The following ARHGEF28 variants were observed in gnomAD, a reference collection of about 807,000 sequenced individuals.
ARHGEF28 encodes the protein Rho guanine nucleotide exchange factor 28.
In ARHGEF28, 152 loss-of-function variants were observed where a neutral mutation model predicts 206.6. The ratio of observed to expected loss-of-function variants is 0.74; its 90% CI spans 0.64 to 0.84. ARHGEF28 has a LOEUF of 0.84. ARHGEF28 is among the 40% of genes least tolerant of loss of function. The probability of loss-of-function intolerance (pLI) is 0.00; values close to 1 mark genes in which losing one functional copy is unlikely to be tolerated. For missense variants in ARHGEF28, 2,028 were observed against 2,073.2 expected, an observed-to-expected ratio of 0.98 and a Z score of 0.42; for synonymous variants, 763 against 776.4, an observed-to-expected ratio of 0.98 and a Z score of 0.29.
At chr5:73,772,328 G>A (rs367899137) in intron 4 of ARHGEF28, among the ~76,000 whole-genome samples, 2 of 152,120 alleles carry the variant, frequency 1.3e-5, no homozygotes, top group Non-Finnish European at 2.9e-5. Context: ...TGTCTTGAAG[G>A]GGGAGCTGTG....
intron 2 of ARHGEF28, among the ~76,000 whole-genome samples, chr5:73,711,932 G>GT (rs138981363): frequency 0.024 from 3,545 of 147,140 alleles, 132 homozygotes; most frequent in African/African-American, 0.084. Context: ...CTAGGTTTGG[G>GT]TTTTTTTTTC....
intron 35 of ARHGEF28, among the ~76,000 whole-genome samples, chr5:73,937,809 G>A (rs555220946): frequency 1.3e-5 from 2 of 152,078 alleles, no homozygotes; most frequent in Non-Finnish European, 2.9e-5. Context: ...ATTCTCTAGG[G>A]TAAAAAGTGT....
intron 14 of ARHGEF28, among the ~76,000 whole-genome samples, chr5:73,855,376 T>A (rs576174231): frequency 9.5e-4 from 144 of 152,248 alleles, no homozygotes; most frequent in African/African-American, 2.8e-3. Context: ...AATAATATTT[T>A]TAAAAAAGCA....
intron 11 of ARHGEF28, among the ~76,000 whole-genome samples, chr5:73,842,391 A>C (rs988380097): frequency 6.6e-6 from 1 of 152,242 alleles, no homozygotes; most frequent in Non-Finnish European, 1.5e-5. Flanking sequence ...GTAGGTGTCC[A>C]TCACTGAGAT....
chr5:73,651,370 G>GA (rs752696749), intron 1 of ARHGEF28, among the ~76,000 whole-genome samples: 3 of 152,232 alleles, frequency 2.0e-5, no homozygotes, highest in Non-Finnish European at 4.4e-5. Context: ...AGCAACTCCA[G>GA]ATTTTCCAGA....
chr5:73,702,018 G>A lies in ARHGEF28; in HGVS notation c.33+17134G>A, dbSNP rs866632186. The stretch of plus-strand genomic sequence containing the variant: ...AAATGTGGATGTTCTTGGGATAAAC[G>A]TCCAGGAGTATGATTGCTGGGTCGT... On this transcript the variant is annotated intron_variant, in intron 2 of 35. Transcript: ENST00000513042. Among the ~76,000 whole-genome samples the A allele has an allele frequency of 5.3e-5, 8 of 152,154 alleles. No individual in the cohort carries two copies. In the South Asian group the frequency reaches 1.0e-3, roughly 20 times the overall value.
chr5:73,857,173 A>C (rs1342266648), intron 14 of ARHGEF28, among the ~76,000 whole-genome samples: 1 of 152,114 alleles, frequency 6.6e-6, no homozygotes, highest in Non-Finnish European at 1.5e-5. Flanking sequence ...TCAACAGAGG[A>C]AACACGTGTC....
At chr5:73,703,789 G>A (rs1414948695) in intron 2 of ARHGEF28, among the ~76,000 whole-genome samples, 1 of 152,000 alleles carries the variant, frequency 6.6e-6, no homozygotes, top group African/African-American at 2.4e-5. Context: ...TGTAATCCCA[G>A]CACTTTGGGA....
At chr5:73,664,194 C>A (rs1179391599) in intron 1 of ARHGEF28, among the ~76,000 whole-genome samples, 1 of 152,230 alleles carries the variant, frequency 6.6e-6, no homozygotes, top group Non-Finnish European at 1.5e-5. Flanking sequence ...CAGCTGTGGC[C>A]AAGGGGCCAA....
chr5:73,729,381 A>G (rs1750470313), intron 2 of ARHGEF28, among the ~76,000 whole-genome samples: 1 of 152,162 alleles, frequency 6.6e-6, no homozygotes, highest in South Asian at 2.1e-4. Flanking sequence ...TTTTATTTTT[A>G]AGAACATATC....
chr5:73,873,115 C>A lies in ARHGEF28; in HGVS notation c.2683C>A (p.Pro895Thr). The A allele has an allele frequency of 6.2e-7, 1 of 1,612,972 alleles. No homozygotes were observed. The highest frequency in any genetic ancestry group is 8.5e-7 in the Non-Finnish European group (1 of 1,179,522). ...LDHSTVDKIFPCLDELLEIHR... is the reference protein window; with the variant it reads ...LDHSTVDKIFTCLDELLEIHR... Reference sequence around the variant, plus strand: ...CCACAGCACCGTGGATAAAATTTTCCCCTGTTTAGATGAGTTGCTTGAAAT... The same window carrying A: ...CCACAGCACCGTGGATAAAATTTTCACCTGTTTAGATGAGTTGCTTGAAAT... The change falls in exon 22 of 36, where the codon CCC (proline) becomes ACC (threonine). Residue 895 changes from proline to threonine, a missense_variant. By Grantham distance (38) the Pro-to-Thr change is conservative. Around this residue, in one of 3 missense-constraint regions of ARHGEF28, gnomAD observed 223 missense variants for 289.9 expected, o/e 0.77. Coordinates refer to ENST00000513042, the MANE Select transcript of ARHGEF28 (RefSeq NM_001177693.2).
At chr5:73,684,602 G>T (rs1288622436) in intron 1 of ARHGEF28, among the ~76,000 whole-genome samples, 1 of 152,194 alleles carries the variant, frequency 6.6e-6, no homozygotes, top group Non-Finnish European at 1.5e-5. Context: ...AAGTAGAATT[G>T]CTAAGTCATA....
chr5:73,741,389 A>ATATATG (rs1751415211), intron 2 of ARHGEF28, among the ~76,000 whole-genome samples: 1 of 9,174 alleles, frequency 1.1e-4, no homozygotes, highest in South Asian at 5.0e-3. Flanking sequence ...GTGTGTGTAT[A>ATATATG]TATATATATA....
intron 22 of ARHGEF28, among the ~76,000 whole-genome samples, chr5:73,880,665 G>A (rs561336607): frequency 3.9e-5 from 6 of 152,318 alleles, no homozygotes; most frequent in Admixed American, 2.6e-4. Flanking sequence ...GGGCATGGTG[G>A]CTCACGCCTG....
At chr5:73,931,519 C>T (rs1353134584) in intron 35 of ARHGEF28, among the ~76,000 whole-genome samples, 1 of 151,932 alleles carries the variant, frequency 6.6e-6, no homozygotes, top group African/African-American at 2.4e-5. Context: ...TTTCATTTTC[C>T]ATCCATTTCC....
chr5:73,667,333 G>A (rs912331586), intron 1 of ARHGEF28, among the ~76,000 whole-genome samples: 1 of 152,182 alleles, frequency 6.6e-6, no homozygotes, highest in Non-Finnish European at 1.5e-5. Context: ...AGCCACACTT[G>A]AGTCCCTTGA....
chr5:73,876,811 G>C (rs1470683372), intron 22 of ARHGEF28, among the ~76,000 whole-genome samples: 1 of 150,416 alleles, frequency 6.6e-6, no homozygotes, highest in Admixed American at 6.6e-5. Flanking sequence ...TGTGCTGCTG[G>C]ATTCGGTTTG....
chr5:73,738,616 T>G (rs185791754), intron 2 of ARHGEF28, among the ~76,000 whole-genome samples: 22 of 152,140 alleles, frequency 1.4e-4, no homozygotes, highest in African/African-American at 5.1e-4. Context: ...CAAGGGGAAC[T>G]GTCTCCAGCT....
chr5:73,894,412 C>G lies in ARHGEF28; in HGVS notation c.3678C>G (p.Asp1226Glu), dbSNP rs761030451. 1.9e-6 allele frequency: 3 copies of G among 1,612,182 alleles called. No individual in the cohort carries two copies. The highest frequency in any genetic ancestry group is 2.5e-6 in the Non-Finnish European group (3 of 1,179,038). ...TCATAGAAATACTCACTAACCAAGA[C>G]CAACAAATTTGTGCGTATTTGGAGG... ...QQCQEILTNQ[D>E]QQICAYLEEK... Residue 1226 changes from aspartate to glutamate, a missense_variant, in exon 29 of 36, where the codon GAC (aspartate) becomes GAG (glutamate). Around this residue, in one of 3 missense-constraint regions of ARHGEF28, gnomAD observed 803 missense variants for 768.0 expected, o/e 1.05. Coordinates refer to ENST00000513042, the MANE Select transcript of ARHGEF28 (RefSeq NM_001177693.2).
Sources: allele counts gnomAD v4.1 joint callset (sites outside exome capture counted in the v4.1 genomes callset), GRCh38; gene constraint gnomAD v4.1.1; regional missense constraint gnomAD v4.1.1; transcripts MANE v1.5; gene names NCBI Gene and HGNC (gene_info 2026-07-23, HGNC 2026-07-21).